RPF2: variants seen among roughly 807,000 people sequenced by gnomAD.
RPF2 encodes the protein brix domain containing 1.
RPF2 carries 21 observed loss-of-function variants against 38.9 expected under a neutral mutation model. The ratio of observed to expected loss-of-function variants is 0.54; its 90% CI spans 0.38 to 0.78. The LOEUF (loss-of-function observed/expected upper bound fraction) is 0.78, where lower values mean the gene tolerates loss of function less well. RPF2 is among the 30% of genes least tolerant of loss of function. The probability of loss-of-function intolerance (pLI) is 0.00; values close to 1 mark genes in which losing one functional copy is unlikely to be tolerated. For synonymous variants in RPF2, 121 were observed against 126.2 expected (o/e 0.96, Z 0.28); for missense variants, 314 against 358.1 (o/e 0.88, Z 0.99).
rs1199328319 is a variant in RPF2, at chr6:111,026,671, A to G, written c.*1089A>G. 1 of 152,210 alleles carries G rather than the reference A, an allele frequency of 6.6e-6. No homozygotes were observed. Among genetic ancestry groups the G allele is most frequent in the African/African-American group, 2.4e-5 (1 of 41,456 alleles). The allele number at this position is 152,210 out of a possible 1,614,324, so 9.4% of individuals were successfully genotyped here. A position where few individuals can be genotyped will look rare whatever the true frequency, so the allele number is the denominator to read the frequency against. ...AGCCAAAGCCTAACTACTTGTTTTG[A>G]AAGTTTCTTGAAGACAGGCCTTGTG... On this transcript the variant is annotated 3_prime_UTR_variant, in exon 10 of 10. Coordinates refer to ENST00000441448, the MANE Select transcript of RPF2 (RefSeq NM_032194.3).
At chr6:110,996,406 T>C (rs886729814) in intron 4 of RPF2, among the ~76,000 whole-genome samples, 1 of 152,062 alleles carries the variant, frequency 6.6e-6, no homozygotes, top group Non-Finnish European at 1.5e-5. Flanking sequence ...CTCAAACTCC[T>C]GACATCAGGT....
intron 9 of RPF2, 138 bp from the exon 10 acceptor site, chr6:111,025,265 T>C (rs560687469): frequency 5.6e-6 from 3 of 531,976 alleles, no homozygotes; most frequent in Non-Finnish European, 9.9e-6. Flanking sequence ...AGAAGAAAAG[T>C]GTATAGGGCT....
Position 110,991,798 on chromosome 6 carries a change from A to T in RPF2, c.234+12A>T. 9.2e-7 allele frequency: 1 copy of T among 1,085,692 alleles called. No homozygotes were observed. Among genetic ancestry groups the T allele is most frequent in the Non-Finnish European group, 1.3e-6 (1 of 761,396 alleles). 67.3% of individuals were successfully genotyped at this position (1,085,692 alleles called of 1,614,324 possible). ...ATCAGACATCACTGGTAAGTATAAT[A>T]ATCTTTATGATTTAAGAAAGCATAT... is the stretch of plus-strand genomic sequence containing the variant. On this transcript the variant is annotated intron_variant, in intron 4 of 9. Coordinates refer to ENST00000441448, the MANE Select transcript of RPF2 (RefSeq NM_032194.3).
At chr6:111,024,054 A>T in intron 8 of RPF2, 129 bp from the exon 9 acceptor site, 1 of 792,300 alleles carries the variant, frequency 1.3e-6, no homozygotes, top group Non-Finnish European at 1.9e-6. Context: ...AGTATTAAGT[A>T]TTTAAGTAAG....
intron 2 of RPF2, 28 bp downstream of exon 2, chr6:110,985,166 G>T (rs759876943): frequency 5.8e-6 from 9 of 1,560,568 alleles, no homozygotes; most frequent in Middle Eastern, 1.7e-4. Context: ...ATCTTTAAAA[G>T]GTATTGAAGT....
intron 8 of RPF2, among the ~76,000 whole-genome samples, chr6:111,020,094 A>T (rs916054006): frequency 4.6e-5 from 7 of 151,860 alleles, no homozygotes; most frequent in Non-Finnish European, 7.4e-5. Flanking sequence ...TTATTTTTGT[A>T]TTTTTAGTAG....
At chr6:111,021,909 G>A (rs529016227) in intron 8 of RPF2, among the ~76,000 whole-genome samples, 1 of 152,284 alleles carries the variant, frequency 6.6e-6, no homozygotes, top group South Asian at 2.1e-4. Flanking sequence ...TTGGATGAAA[G>A]GAACTCTAAA....
At chr6:111,013,783 G>C (rs2114339777) in intron 7 of RPF2, among the ~76,000 whole-genome samples, 1 of 152,234 alleles carries the variant, frequency 6.6e-6, no homozygotes, top group Non-Finnish European at 1.5e-5. Flanking sequence ...AAAATCATGG[G>C]AAAGCTCTTT....
At chr6:111,021,499 G>A (rs1772234731) in intron 8 of RPF2, among the ~76,000 whole-genome samples, 1 of 152,208 alleles carries the variant, frequency 6.6e-6, no homozygotes, top group Non-Finnish European at 1.5e-5. Context: ...TTGAGGATGG[G>A]AGGAAGGGGT....
At position 111,015,787 on chromosome 6, in the gene RPF2, G is replaced by A. The variant is rs150251680; in HGVS notation, c.527G>A (p.Arg176His). 5.0e-5 allele frequency: 80 copies of A among 1,612,484 alleles called. No individual in the cohort carries two copies. In the African/African-American group the frequency reaches 8.5e-4, roughly 17 times the overall value. ...FFRGPTVSNIRLAGLEYVLHF... is the reference protein window; with the variant it reads ...FFRGPTVSNIHLAGLEYVLHF... ...AGAGGCCCCACAGTATCAAATATCC[G>A]CCTGGCTGGATTAGAGTATGTTCTG... Residue 176 changes from arginine to histidine, a missense_variant, in exon 8 of 10, where the codon CGC becomes CAC. Coordinates refer to ENST00000441448, the MANE Select transcript of RPF2 (RefSeq NM_032194.3).
intron 5 of RPF2, among the ~76,000 whole-genome samples, chr6:110,999,247 T>A (rs1237960457): frequency 1.3e-5 from 2 of 152,076 alleles, no homozygotes; most frequent in Non-Finnish European, 2.9e-5. Flanking sequence ...TCCATTGGAA[T>A]TGGGGGGGAA....
chr6:111,003,100 T>C (rs1771841863), intron 6 of RPF2, among the ~76,000 whole-genome samples: 1 of 140,414 alleles, frequency 7.1e-6, no homozygotes. Context: ...TTTTTTTTTC[T>C]TTTTAATTTT....
At chr6:111,023,682 A>C (rs1313286841) in intron 8 of RPF2, among the ~76,000 whole-genome samples, 1 of 152,136 alleles carries the variant, frequency 6.6e-6, no homozygotes, top group Non-Finnish European at 1.5e-5. Context: ...TAGCTCAAAA[A>C]GGGATAAAAG....
At chr6:111,006,105 C>T (rs1446793015) in intron 6 of RPF2, among the ~76,000 whole-genome samples, 1 of 151,794 alleles carries the variant, frequency 6.6e-6, no homozygotes, top group Non-Finnish European at 1.5e-5. Context: ...CGTGCCCAGC[C>T]TGTTTTGTAT....
chr6:111,019,036 C>A (rs549634008), intron 8 of RPF2, among the ~76,000 whole-genome samples: 1 of 151,600 alleles, frequency 6.6e-6, no homozygotes, highest in Non-Finnish European at 1.5e-5. Context: ...GCCAACACAG[C>A]GAAACCTGTC....
chr6:111,018,199 C>CG (rs1280432473), intron 8 of RPF2, among the ~76,000 whole-genome samples: 1 of 41,120 alleles, frequency 2.4e-5, no homozygotes, highest in Non-Finnish European at 5.7e-5. Flanking sequence ...AGGGGGAGAC[C>CG]GGGGAGGGGG....
At chr6:111,004,156 A>C (rs957086887) in intron 6 of RPF2, among the ~76,000 whole-genome samples, 1 of 151,430 alleles carries the variant, frequency 6.6e-6, no homozygotes, top group African/African-American at 2.4e-5. Context: ...GGTCTTCATC[A>C]TGTGCATGTG....
intron 8 of RPF2, among the ~76,000 whole-genome samples, chr6:111,018,078 C>T (rs1242683625): frequency 1.3e-5 from 2 of 151,968 alleles, no homozygotes; most frequent in African/African-American, 4.8e-5. Flanking sequence ...TCAGGCGTGG[C>T]GGCGCGCGCC....
chr6:110,984,873 A>T, intron 1 of RPF2, 133 bp from the exon 2 acceptor site: 1 of 996,004 alleles, frequency 1.0e-6, no homozygotes. Context: ...CAAAAAAAAG[A>T]AAGTGAGATT....
Sources: gnomAD v4.1 joint callset for allele counts (sites outside exome capture counted in the v4.1 genomes callset) on GRCh38, gnomAD v4.1.1 for gene constraint, MANE v1.5 for transcripts, NCBI Gene and HGNC (gene_info 2026-07-23, HGNC 2026-07-21) for gene names.